The following MYO3B variants were observed in gnomAD, a reference collection of about 807,000 sequenced individuals.
MYO3B encodes the protein myosin IIIB.
A neutral mutation model predicts 174.6 loss-of-function variants in MYO3B; 156 were observed. The observed-to-expected ratio is 0.89, with a 90% CI of 0.78 to 1.02. The LOEUF is 1.02. Ranked by LOEUF, MYO3B falls within the 50% of genes least tolerant of loss-of-function variation. The pLI is 0.00. For synonymous variants in MYO3B, 563 were observed against 569.1 expected (o/e 0.99, Z 0.15); for missense variants, 1,632 against 1,639.4 (o/e 1.00, Z 0.08).
At chr2:170,503,284 C>G (rs1271848727) in intron 28 of MYO3B, among the ~76,000 whole-genome samples, 1 of 152,234 alleles carries the variant, frequency 6.6e-6, no homozygotes, top group Non-Finnish European at 1.5e-5. Flanking sequence ...CTGTCTTGCA[C>G]TCTGTTAATG....
rs761969373 is a variant in MYO3B at position 170,283,024 on chromosome 2, T to G, written c.749+46888T>G. Among the ~76,000 whole-genome samples, 11 of 152,102 alleles carry G rather than the reference T, an allele frequency of 7.2e-5. 1 individual carries two copies. Among genetic ancestry groups the G allele is most frequent in the Non-Finnish European group, 1.6e-4 (11 of 68,014 alleles). On this transcript the variant is annotated intron_variant, in intron 7 of 34. Coordinates refer to ENST00000408978, the MANE Select transcript of MYO3B (RefSeq NM_138995.5). ...GGTGGACTCAGGGGGATGCCAGTGG[T>G]GTGCTCCCAAGAGGCAGAGATGCAG...
intron 32 of MYO3B, among the ~76,000 whole-genome samples, chr2:170,619,610 A>C (rs1695722464): frequency 6.6e-6 from 1 of 151,980 alleles, no homozygotes; most frequent in African/African-American, 2.4e-5. Flanking sequence ...GGGACTCTTT[A>C]CAGGACTGCG....
At chr2:170,226,669 T>C (rs911330688) in intron 6 of MYO3B, among the ~76,000 whole-genome samples, 2 of 152,270 alleles carry the variant, frequency 1.3e-5, no homozygotes, top group East Asian at 3.9e-4. Context: ...ACCCTCTTCC[T>C]GGTGGGTCTA....
intron 32 of MYO3B, among the ~76,000 whole-genome samples, chr2:170,641,858 T>TGGGGGG (rs71008706): frequency 1.1e-3 from 31 of 28,848 alleles, no homozygotes; most frequent in Non-Finnish European, 1.3e-3. Context: ...TATTGTTAAG[T>TGGGGGG]GGGGGGGGGG....
chr2:170,398,967 C>T (rs370931749), intron 16 of MYO3B, among the ~76,000 whole-genome samples: 3 of 152,062 alleles, frequency 2.0e-5, no homozygotes, highest in African/African-American at 7.2e-5. Flanking sequence ...AGTTGTTGGT[C>T]AGGAGTGGTG....
intron 32 of MYO3B, among the ~76,000 whole-genome samples, chr2:170,632,020 T>C (rs1464026400): frequency 6.6e-6 from 1 of 151,924 alleles, no homozygotes; most frequent in Non-Finnish European, 1.5e-5. Context: ...AGACTTAGAC[T>C]CCCACACAAT....
chr2:170,375,711 G>GTGCA (rs375908524), intron 9 of MYO3B, among the ~76,000 whole-genome samples: 5,912 of 96,798 alleles, frequency 0.061, 250 homozygotes, highest in Admixed American at 0.24. Context: ...CTTCAAATAT[G>GTGCA]TGCATGCATG....
At chr2:170,578,115 C>A (rs1255913697) in intron 32 of MYO3B, among the ~76,000 whole-genome samples, 1 of 152,158 alleles carries the variant, frequency 6.6e-6, no homozygotes, top group Non-Finnish European at 1.5e-5. Context: ...TGGCTGGTCC[C>A]CAATGTTAAC....
At chr2:170,408,334 A>G (rs949013055) in intron 22 of MYO3B, among the ~76,000 whole-genome samples, 7 of 152,180 alleles carry the variant, frequency 4.6e-5, no homozygotes, top group South Asian at 2.1e-4. Context: ...CTCCTAACCA[A>G]TTTGGAACAG....
intron 7 of MYO3B, among the ~76,000 whole-genome samples, chr2:170,311,466 G>A: frequency 6.6e-6 from 1 of 151,294 alleles, no homozygotes; most frequent in Non-Finnish European, 1.5e-5. Context: ...AACTGTTTGT[G>A]TTGCTGAGTT....
chr2:170,217,049 C>A (rs898261398), intron 5 of MYO3B, among the ~76,000 whole-genome samples: 7 of 143,962 alleles, frequency 4.9e-5, no homozygotes, highest in Non-Finnish European at 9.2e-5. Context: ...AAAAAAAAAA[C>A]CCAAAATATT....
At chr2:170,443,623 A>G (rs1162383764) in intron 22 of MYO3B, among the ~76,000 whole-genome samples, 11 of 152,052 alleles carry the variant, frequency 7.2e-5, no homozygotes, top group Non-Finnish European at 2.9e-5. Context: ...TTATGGTTAT[A>G]GGTCTAACAT....
chr2:170,429,689 G>C (rs762384705), intron 22 of MYO3B, among the ~76,000 whole-genome samples: 2 of 152,162 alleles, frequency 1.3e-5, no homozygotes, highest in Non-Finnish European at 2.9e-5. Flanking sequence ...TCTGTCTTGC[G>C]CATGTCTTTC....
At chr2:170,499,597 T>C in intron 26 of MYO3B, 49 bp from the exon 27 acceptor site, 1 of 1,556,580 alleles carries the variant, frequency 6.4e-7, no homozygotes, top group Non-Finnish European at 8.8e-7. Context: ...TAGAGTGAAT[T>C]TCTGTTGAGG....
intron 32 of MYO3B, among the ~76,000 whole-genome samples, chr2:170,548,106 C>CAAAAAAA (rs10532249): frequency 7.7e-5 from 4 of 51,682 alleles, no homozygotes; most frequent in Admixed American, 3.8e-4. Flanking sequence ...GACTCCGTCT[C>CAAAAAAA]AAAAAAAAAA....
At chr2:170,409,678 G>A (rs770126626) in intron 22 of MYO3B, among the ~76,000 whole-genome samples, 2 of 152,230 alleles carry the variant, frequency 1.3e-5, no homozygotes, top group Non-Finnish European at 2.9e-5. Context: ...CTAGTAATAA[G>A]GTACTTTTTA....
chr2:170,422,714 C>G (rs7581000), intron 22 of MYO3B, among the ~76,000 whole-genome samples: 5 of 151,974 alleles, frequency 3.3e-5, no homozygotes, highest in African/African-American at 9.7e-5. Flanking sequence ...CCTTGGCCCC[C>G]CAAAGTGCTG....
intron 6 of MYO3B, among the ~76,000 whole-genome samples, chr2:170,220,126 C>T (rs965654942): frequency 1.3e-5 from 2 of 151,380 alleles, no homozygotes; most frequent in South Asian, 4.2e-4. Context: ...GGCATGGTGG[C>T]GGGTGCCTGT....
At chr2:170,287,822 T>C (rs759107988) in intron 7 of MYO3B, among the ~76,000 whole-genome samples, 1 of 152,122 alleles carries the variant, frequency 6.6e-6, no homozygotes, top group Non-Finnish European at 1.5e-5. Flanking sequence ...AGAGCAATTT[T>C]CCCAATGTTT....
Sources: allele counts gnomAD v4.1 joint callset (sites outside exome capture counted in the v4.1 genomes callset), GRCh38; gene constraint gnomAD v4.1.1; transcripts MANE v1.5; gene names NCBI Gene and HGNC (gene_info 2026-07-23, HGNC 2026-07-21).